Variants in RUFY1 observed in about 807,000 individuals in gnomAD.
The protein encoded by RUFY1 is RUN and FYVE domain-containing protein 1.
Under a neutral mutation model 94.6 loss-of-function variants are expected in RUFY1, and 54 were observed. The ratio of observed to expected loss-of-function variants is 0.57; its 90% confidence interval spans 0.46 to 0.72. The LOEUF (loss-of-function observed/expected upper bound fraction) is 0.72, where lower values mean the gene tolerates loss of function less well. Ranked by LOEUF, RUFY1 falls within the 30% of genes least tolerant of loss-of-function variation. The pLI is 0.00. For synonymous variants in RUFY1, 396 were observed against 347.3 expected (o/e 1.14, Z -1.56); for missense variants, 883 against 883.9 (o/e 1.00, Z 0.01).
chr5:179,598,627 T>TGGGTTGTGAATC, intron 13 of RUFY1, 65 bp from the exon 14 acceptor site: 1 of 1,590,506 alleles, frequency 6.3e-7, no homozygotes, highest in Non-Finnish European at 8.6e-7. Context: ...GGCGGTGAAT[T>TGGGTTGTGAATC]GGGTTGTGAA....
intron 7 of RUFY1, among the ~76,000 whole-genome samples, chr5:179,583,427 TA>T (rs1458982361): frequency 6.7e-5 from 10 of 148,672 alleles, no homozygotes; most frequent in South Asian, 2.1e-4. Context: ...TATATATATA[TA>T]TATTTTAAGA....
At chr5:179,573,519 G>A (rs964358671) in intron 5 of RUFY1, among the ~76,000 whole-genome samples, 13 of 151,770 alleles carry the variant, frequency 8.6e-5, no homozygotes, top group Admixed American at 4.0e-4. Context: ...TGTTGTTGTC[G>A]TTTTGTTTTT....
intron 3 of RUFY1, among the ~76,000 whole-genome samples, chr5:179,565,272 G>T (rs966173283): frequency 2.8e-5 from 4 of 144,350 alleles, no homozygotes; most frequent in Non-Finnish European, 6.0e-5. Context: ...TCTGCCTCCC[G>T]GGTTCAAGCC....
At chr5:179,595,446 AGAT>A (rs1289765066) in intron 12 of RUFY1, among the ~76,000 whole-genome samples, 1 of 152,226 alleles carries the variant, frequency 6.6e-6, no homozygotes, top group Non-Finnish European at 1.5e-5. Flanking sequence ...AAAGTACATG[AGAT>A]GATATTCAGA....
At chr5:179,580,487 C>T (rs1764067571) in intron 6 of RUFY1, among the ~76,000 whole-genome samples, 1 of 151,672 alleles carries the variant, frequency 6.6e-6, no homozygotes, top group Non-Finnish European at 1.5e-5. Flanking sequence ...CGTGATCTGC[C>T]CACCTTGGCC....
chr5:179,607,737 C>T (rs746692452), intron 17 of RUFY1, 78 bp downstream of exon 17: 33 of 1,287,666 alleles, frequency 2.6e-5, no homozygotes, highest in Non-Finnish European at 3.6e-5. Context: ...GTTCCAGAAG[C>T]CCATATCAGA....
chr5:179,577,191 AGACAG>A, intron 6 of RUFY1, 55 bp downstream of exon 6: 3 of 629,600 alleles, frequency 4.8e-6, no homozygotes, highest in Non-Finnish European at 6.4e-6. Context: ...TTTTTTTTTG[AGACAG>A]AATCTGGCTT....
At chr5:179,562,888 A>G (rs565791697) in intron 3 of RUFY1, 3 of 441,648 alleles carry the variant, frequency 6.8e-6, no homozygotes, top group African/African-American at 6.1e-5. Flanking sequence ...ATAGGTTGAA[A>G]AGGTGTTGTC....
intron 13 of RUFY1, among the ~76,000 whole-genome samples, chr5:179,597,915 C>A (rs1035997220): frequency 6.6e-6 from 1 of 152,058 alleles, no homozygotes; most frequent in African/African-American, 2.4e-5. Flanking sequence ...TGAGGCCGGG[C>A]GCGGTGGCTC....
At chr5:179,554,936 C>G (rs1340188642) in intron 1 of RUFY1, among the ~76,000 whole-genome samples, 1 of 151,868 alleles carries the variant, frequency 6.6e-6, no homozygotes, top group South Asian at 2.1e-4. Flanking sequence ...CCACTGCACT[C>G]CAGCCTGGGT....
intron 11 of RUFY1, among the ~76,000 whole-genome samples, chr5:179,593,988 C>T (rs1765323602): frequency 6.6e-6 from 1 of 151,798 alleles, no homozygotes; most frequent in Admixed American, 6.6e-5. Context: ...TTGTTTATAG[C>T]AAGCATGGAG....
intron 17 of RUFY1, among the ~76,000 whole-genome samples, chr5:179,609,047 G>A (rs1453434207): frequency 2.0e-5 from 3 of 151,252 alleles, no homozygotes; most frequent in East Asian, 1.9e-4. Flanking sequence ...GTGAAACCCC[G>A]TCTCTACTAA....
At position 179,583,939 on chromosome 5, in the gene RUFY1, G is replaced by A. The variant is rs551816219; in HGVS notation, c.957-1857G>A. ...TAATTTTTTGTATTTTAGTAGAGAC[G>A]GGGTTTCACCGTGTTAGCCAGGATG... On this transcript the variant is annotated intron_variant, in intron 7 of 17. Coordinates refer to ENST00000319449, the MANE Select transcript of RUFY1 (RefSeq NM_025158.5). Among the ~76,000 whole-genome samples, 14 of 136,876 alleles carry A rather than the reference G, an allele frequency of 1.0e-4. No individual in the cohort carries two copies. In the South Asian group the frequency reaches 2.6e-3, roughly 26 times the overall value. The allele number at this position is 136,876 out of a possible 152,430, so 89.8% of individuals were successfully genotyped here. A position where few individuals can be genotyped will look rare whatever the true frequency, so the allele number is the denominator to read the frequency against.
chr5:179,605,186 A>G (rs6601058), intron 15 of RUFY1, among the ~76,000 whole-genome samples: 116,942 of 150,628 alleles, frequency 0.78, 45,477 homozygotes, highest in East Asian at 0.9. Context: ...GACTAAAGTG[A>G]GAGGATCACT....
At position 179,598,697 on chromosome 5, in the gene RUFY1, G is replaced by A. The variant is rs1275312351; in HGVS notation, c.1637G>A (p.Ser546Asn). 1.5e-5 allele frequency: 25 copies of A among 1,614,002 alleles called. No homozygotes were observed. The highest frequency in any genetic ancestry group is 2.1e-5 in the Non-Finnish European group (25 of 1,180,032). Reference protein sequence around the residue: ...QLSQLHEQCSSLEKELKSEKE... With the variant: ...QLSQLHEQCSNLEKELKSEKE... ...AGTTCATTTTGGGAAAACAGCTCAA[G>A]CCTGGAGAAAGAATTGAAATCAGAA... is the stretch of plus-strand genomic sequence containing the variant. The change falls in exon 14 of 18, where the codon AGC (serine) becomes AAC (asparagine). Residue 546 changes from serine (S) to asparagine (N), a missense_variant. By Grantham distance (46) the Ser-to-Asn change is conservative. Transcript: ENST00000319449.
chr5:179,572,642 G>T (rs1354992294), intron 5 of RUFY1: 1 of 197,746 alleles, frequency 5.1e-6, no homozygotes, highest in Non-Finnish European at 1.1e-5. Context: ...ATTCCAGTAC[G>T]CAGATGAGCA....
chr5:179,605,766 C>A (rs568470886), intron 15 of RUFY1, 110 bp from the exon 16 acceptor site: 1 of 775,016 alleles, frequency 1.3e-6, no homozygotes, highest in South Asian at 1.4e-5. Flanking sequence ...TTCTGGGTCT[C>A]CTCACAAGTC....
At position 179,593,532 on chromosome 5, in the gene RUFY1, G is replaced by A; in HGVS notation, c.1300G>A (p.Ala434Thr). 1 of 1,613,600 alleles carries A rather than the reference G, an allele frequency of 6.2e-7. No homozygotes were observed. The highest frequency in any genetic ancestry group is 1.7e-5 in the Admixed American group (1 of 60,024). ...QIGMKTEMEI[A>T]MKLLEKDTHE... ...TGGAATGAAAACCGAAATGGAAATT[G>A]CAATGAAGTTACTGGAAAAGGACAC... The change falls in exon 11 of 18, where the codon GCA (alanine) becomes ACA (threonine). Residue 434 changes from alanine to threonine, a missense_variant. Coordinates refer to ENST00000319449, the MANE Select transcript of RUFY1 (RefSeq NM_025158.5).
intron 5 of RUFY1, chr5:179,572,258 G>A: frequency 3.8e-6 from 1 of 261,796 alleles, no homozygotes; most frequent in South Asian, 3.7e-5. Flanking sequence ...GGCTACAAAG[G>A]GAAGTACGTC....
Sources: gnomAD v4.1 joint callset for allele counts (sites outside exome capture counted in the v4.1 genomes callset) on GRCh38, gnomAD v4.1.1 for gene constraint, MANE v1.5 for transcripts, NCBI Gene and HGNC (gene_info 2026-07-23, HGNC 2026-07-21) for gene names.